Variants in PDSS2 observed in about 807,000 individuals in gnomAD.
PDSS2 encodes the protein all trans-polyprenyl-diphosphate synthase PDSS2.
Under a neutral mutation model 44.5 loss-of-function variants are expected in PDSS2, and 31 were observed. The observed-to-expected ratio is 0.70, with a 90% CI of 0.52 to 0.94. PDSS2 has a LOEUF of 0.94. Ranked by LOEUF, PDSS2 falls within the 40% of genes least tolerant of loss-of-function variation. PDSS2 has a pLI of 0.00. For synonymous variants in PDSS2, 157 were observed against 180.3 expected, an observed-to-expected ratio of 0.87 and a Z score of 1.03; for missense variants, 452 against 482.2, an observed-to-expected ratio of 0.94 and a Z score of 0.59.
At chr6:107,402,554 A>ATGT (rs1337717601) in intron 1 of PDSS2, among the ~76,000 whole-genome samples, 4 of 61,796 alleles carry the variant, frequency 6.5e-5, no homozygotes, top group Non-Finnish European at 1.3e-4. Flanking sequence ...TATATATATA[A>ATGT]AAATATATAT....
At chr6:107,346,186 A>G (rs1485462923) in intron 1 of PDSS2, among the ~76,000 whole-genome samples, 1 of 152,230 alleles carries the variant, frequency 6.6e-6, no homozygotes, top group Non-Finnish European at 1.5e-5. Flanking sequence ...ACTTGGAATA[A>G]ATTACATACA....
chr6:107,232,790 C>G (rs1365681104), intron 4 of PDSS2, among the ~76,000 whole-genome samples: 1 of 152,094 alleles, frequency 6.6e-6, no homozygotes, highest in Non-Finnish European at 1.5e-5. Flanking sequence ...GACTTCCCAG[C>G]TAATGCTCAA....
chr6:107,244,099 G>C (rs1318385135), intron 4 of PDSS2, among the ~76,000 whole-genome samples: 1 of 152,200 alleles, frequency 6.6e-6, no homozygotes, highest in Admixed American at 6.5e-5. Flanking sequence ...TTGCACTCCA[G>C]CCTGGGCAAC....
intron 1 of PDSS2, among the ~76,000 whole-genome samples, chr6:107,429,905 T>TATATATATATAA (rs1781133912): frequency 6.1e-5 from 1 of 16,396 alleles, no homozygotes; most frequent in South Asian, 2.8e-3. Flanking sequence ...AAAAAAAATA[T>TATATATATATAA]ATATATATAT....
intron 1 of PDSS2, among the ~76,000 whole-genome samples, chr6:107,456,123 C>T (rs1164986629): frequency 1.3e-5 from 2 of 152,122 alleles, no homozygotes; most frequent in Non-Finnish European, 2.9e-5. Flanking sequence ...GAGTTCAAGA[C>T]TAGCCTGGCC....
chr6:107,258,074 C>T (rs543336071), intron 3 of PDSS2, among the ~76,000 whole-genome samples: 2 of 152,234 alleles, frequency 1.3e-5, no homozygotes, highest in South Asian at 4.1e-4. Flanking sequence ...TCAATATTAT[C>T]AGAAATTTAC....
intron 2 of PDSS2, among the ~76,000 whole-genome samples, chr6:107,333,656 C>G (rs975370331): frequency 3.3e-5 from 5 of 152,136 alleles, no homozygotes; most frequent in Admixed American, 2.0e-4. Flanking sequence ...CTGCTTTAGT[C>G]TCCTGAGTAA....
Position 107,280,209 on chromosome 6 carries a change from G to A in PDSS2, c.432-5982C>T, listed in dbSNP as rs77231668. On this transcript the variant is annotated intron_variant, in intron 2 of 7. Transcript: ENST00000369037. ...CGAGTAGCTAGGATTACAGGCATGC[G>A]CCATGATGTCCAGCTAAGTTTTTTG... Among the ~76,000 whole-genome samples the A allele has an allele frequency of 6.7e-4, 102 of 152,102 alleles. 1 individual carries two copies. Among genetic ancestry groups the A allele is most frequent in the East Asian group, 5.8e-3 (30 of 5,164 alleles).
intron 1 of PDSS2, among the ~76,000 whole-genome samples, chr6:107,360,273 C>A (rs1284956248): frequency 6.6e-6 from 1 of 152,206 alleles, no homozygotes; most frequent in Non-Finnish European, 1.5e-5. Context: ...CTGTCTCATG[C>A]ATCTTCCTGT....
At chr6:107,243,496 T>C (rs9373932) in intron 4 of PDSS2, among the ~76,000 whole-genome samples, 75,852 of 152,056 alleles carry the variant, frequency 0.5, 19,701 homozygotes, top group East Asian at 0.61. Flanking sequence ...CCAACAATAA[T>C]GCTTTCATGT....
intron 4 of PDSS2, among the ~76,000 whole-genome samples, chr6:107,232,988 A>C (rs919512199): frequency 6.6e-6 from 1 of 151,804 alleles, no homozygotes; most frequent in Non-Finnish European, 1.5e-5. Context: ...GCTAATTAAA[A>C]ATTTTCTTTG....
At chr6:107,412,883 A>G (rs930727182) in intron 1 of PDSS2, among the ~76,000 whole-genome samples, 1 of 152,198 alleles carries the variant, frequency 6.6e-6, no homozygotes, top group African/African-American at 2.4e-5. Flanking sequence ...GGTGGCTTCA[A>G]AGTTGTACCA....
chr6:107,214,081 T>A (rs982980794), intron 4 of PDSS2, among the ~76,000 whole-genome samples: 1 of 151,504 alleles, frequency 6.6e-6, no homozygotes, highest in Non-Finnish European at 1.5e-5. Flanking sequence ...ATATTGAATA[T>A]GAAAATTATT....
intron 3 of PDSS2, among the ~76,000 whole-genome samples, chr6:107,265,583 T>C (rs1775387211): frequency 6.6e-6 from 1 of 152,164 alleles, no homozygotes; most frequent in African/African-American, 2.4e-5. Flanking sequence ...TTCTTTCTTA[T>C]AAAAGAAAAC....
At chr6:107,370,231 C>T (rs1326981327) in intron 1 of PDSS2, among the ~76,000 whole-genome samples, 1 of 152,178 alleles carries the variant, frequency 6.6e-6, no homozygotes, top group African/African-American at 2.4e-5. Context: ...TTTACCGAAT[C>T]ATCATTCAGG....
At chr6:107,230,468 G>A (rs1774005757) in intron 4 of PDSS2, among the ~76,000 whole-genome samples, 1 of 152,068 alleles carries the variant, frequency 6.6e-6, no homozygotes, top group African/African-American at 2.4e-5. Context: ...TAATCCATCT[G>A]ACTCCAGTTT....
At chr6:107,385,511 A>C (rs9373946) in intron 1 of PDSS2, among the ~76,000 whole-genome samples, 19,538 of 152,196 alleles carry the variant, frequency 0.13, 1,476 homozygotes, top group East Asian at 0.24. Flanking sequence ...ACAAGATCAC[A>C]ATCTTTCATG....
At chr6:107,418,556 G>C (rs1389180357) in intron 1 of PDSS2, among the ~76,000 whole-genome samples, 1 of 152,164 alleles carries the variant, frequency 6.6e-6, no homozygotes, top group Non-Finnish European at 1.5e-5. Context: ...TGGATCATTT[G>C]AGGTCAGGAG....
At chr6:107,338,664 T>C (rs1212266538) in intron 1 of PDSS2, among the ~76,000 whole-genome samples, 1 of 152,000 alleles carries the variant, frequency 6.6e-6, no homozygotes, top group Non-Finnish European at 1.5e-5. Flanking sequence ...GAGAGGGAAG[T>C]AGCCAGGGGA....
Sources: allele counts gnomAD v4.1 joint callset (sites outside exome capture counted in the v4.1 genomes callset), GRCh38; gene constraint gnomAD v4.1.1; transcripts MANE v1.5; gene names NCBI Gene and HGNC (gene_info 2026-07-23, HGNC 2026-07-21).